The following NXPH4 variants were observed in gnomAD, a reference collection of about 807,000 sequenced individuals.
The protein encoded by NXPH4 is neurexophilin-4.
A neutral mutation model predicts 21.3 loss-of-function variants in NXPH4; 8 were observed. The observed-to-expected ratio is 0.38, with a 90% CI of 0.22 to 0.68. The LOEUF (loss-of-function observed/expected upper bound fraction) is 0.68. Ranked by LOEUF, NXPH4 falls within the 30% of genes least tolerant of loss-of-function variation. The pLI is 0.53. For missense variants in NXPH4, 418 were observed against 416.8 expected (o/e 1.00, Z -0.03); for synonymous variants, 219 against 192.6 (o/e 1.14, Z -1.13).
Position 57,224,929 on chromosome 12 carries a change from C to T in NXPH4, c.109C>T (p.Arg37Cys), listed in dbSNP as rs1002858079. 1 of 1,354,916 alleles carries T rather than the reference C, an allele frequency of 7.4e-7. No homozygotes were observed. 83.9% of individuals were successfully genotyped at this position (1,354,916 alleles called of 1,614,324 possible). Residue 37 changes from arginine to cysteine, a missense_variant, in exon 2 of 2, where the codon CGC becomes TGC. Transcript: ENST00000349394. Reference protein sequence around the residue: ...ESGRPQYLGLRPAAAGAGAPG... With the variant: ...ESGRPQYLGLCPAAAGAGAPG... ...CGGAAGGCCGCAGTACCTGGGGCTG[C>T]GCCCCGCCGCGGCCGGAGCGGGTGC...
At chr12:57,224,789 G>A in intron 1 of NXPH4, 89 bp from the exon 2 acceptor site, 2 of 491,416 alleles carry the variant, frequency 4.1e-6, no homozygotes, top group Admixed American at 3.3e-5. Flanking sequence ...TCTCCTAGCG[G>A]CTGTGGAAAG....
At chr12:57,218,664 G>C (rs1049907427) in intron 1 of NXPH4, among the ~76,000 whole-genome samples, 1 of 152,130 alleles carries the variant, frequency 6.6e-6, no homozygotes, top group East Asian at 1.9e-4. Flanking sequence ...ATCTATCTGA[G>C]TGTGTGTGTG....
chr12:57,220,833 C>T (rs1296077645), intron 1 of NXPH4, among the ~76,000 whole-genome samples: 2 of 152,124 alleles, frequency 1.3e-5, no homozygotes, highest in African/African-American at 4.8e-5. Flanking sequence ...TCTCTGCATC[C>T]ATCACTGTTT....
In NXPH4 at chr12:57,225,481, G is replaced by A. The variant is rs1382575002; in HGVS notation, c.661G>A (p.Gly221Arg). The A allele has an allele frequency of 6.2e-7, 1 of 1,603,396 alleles. No homozygotes were observed. The highest frequency in any genetic ancestry group is 1.7e-5 in the Admixed American group (1 of 58,856). Reference protein sequence around the residue: ...ALAGPLGGALGVPGAKESRAF... With the variant: ...ALAGPLGGALRVPGAKESRAF... ...GGCGGGGCCGCTTGGGGGCGCGTTG[G>A]GAGTGCCTGGGGCCAAAGAGTCACG... Residue 221 changes from glycine (G) to arginine (R), a missense_variant, in exon 2 of 2, where the codon GGA (glycine) becomes AGA (arginine). Transcript: ENST00000349394.
chr12:57,217,116 C>A, intron 1 of NXPH4, 90 bp downstream of exon 1: 1 of 1,193,682 alleles, frequency 8.4e-7, no homozygotes, highest in Admixed American at 2.1e-5. Context: ...GCGCCCGCCC[C>A]GCCCCCAGCT....
Position 57,217,630 on chromosome 12 carries a change from T to A in NXPH4, c.57+604T>A, listed in dbSNP as rs560721558. Among the ~76,000 whole-genome samples, 238 of 152,174 alleles carry A rather than the reference T, an allele frequency of 1.6e-3. 2 individuals carry two copies. The highest frequency in any genetic ancestry group is 5.2e-3 in the African/African-American group (216 of 41,506). On this transcript the variant is annotated intron_variant, in intron 1 of 1. Coordinates refer to ENST00000349394, the MANE Select transcript of NXPH4 (RefSeq NM_007224.4). Reference sequence around the variant, plus strand: ...GACACACCCCCCTCTCGTGCCCCACTGAAGGGGGAGGCTGTCTGGAAGGGG... The same window carrying A: ...GACACACCCCCCTCTCGTGCCCCACAGAAGGGGGAGGCTGTCTGGAAGGGG...
chr12:57,225,393 C>T lies in NXPH4; in HGVS notation c.573C>T (p.Pro191=). The change falls in exon 2 of 2, where the codon CCC becomes CCT. Residue 191 remains proline, a synonymous_variant. Coordinates refer to ENST00000349394, the MANE Select transcript of NXPH4 (RefSeq NM_007224.4). ...ALEGVLPGLG[P]PLGMAAAAAG... is the part of the protein sequence containing the mutation. Reference sequence around the variant, plus strand: ...AGGGGGTGCTTCCTGGGCTGGGGCCCCCGCTGGGGATGGCAGCAGCAGCGG... The same window carrying T: ...AGGGGGTGCTTCCTGGGCTGGGGCCTCCGCTGGGGATGGCAGCAGCAGCGG... The T allele has an allele frequency of 2.5e-6, 4 of 1,597,994 alleles. No individual in the cohort carries two copies. The South Asian group carries it at 3.3e-5, about 13-fold the overall frequency.
At chr12:57,220,821 G>A (rs1004873322) in intron 1 of NXPH4, among the ~76,000 whole-genome samples, 1 of 151,818 alleles carries the variant, frequency 6.6e-6, no homozygotes, top group Non-Finnish European at 1.5e-5. Flanking sequence ...CCATCTCCTG[G>A]GTCTCTGCAT....
At chr12:57,224,118 T>TTTTTC (rs1043330231) in intron 1 of NXPH4, among the ~76,000 whole-genome samples, 2 of 151,768 alleles carry the variant, frequency 1.3e-5, no homozygotes, top group African/African-American at 2.4e-5. Context: ...TTCCTTTCCT[T>TTTTTC]TTTTCTTTTC....
Position 57,219,686 on chromosome 12 carries a change from G to A in NXPH4, c.57+2660G>A, listed in dbSNP as rs934660800. 4.6e-5 allele frequency among the ~76,000 whole-genome samples: 7 copies of A among 151,528 alleles called. 1 individual carries two copies. Among genetic ancestry groups the A allele is most frequent in the Middle Eastern group, 3.4e-3 (1 of 294 alleles). On this transcript the variant is annotated intron_variant, in intron 1 of 1. Coordinates refer to ENST00000349394, the MANE Select transcript of NXPH4 (RefSeq NM_007224.4). ...TGGGCTAGGGCCCAGAGCTGCTGCC[G>A]GGGATTTGGGGGTAATCAGGGGCCG...
chr12:57,218,565 T>A (rs1479503001), intron 1 of NXPH4, among the ~76,000 whole-genome samples: 1 of 152,168 alleles, frequency 6.6e-6, no homozygotes, highest in Non-Finnish European at 1.5e-5. Context: ...TGTGGACAGA[T>A]CTGGTTTAAT....
intron 1 of NXPH4, among the ~76,000 whole-genome samples, chr12:57,220,270 C>A (rs1162682059): frequency 6.6e-6 from 1 of 152,118 alleles, no homozygotes; most frequent in Non-Finnish European, 1.5e-5. Context: ...TCCACCCCGC[C>A]CACTCCCCCT....
At chr12:57,220,410 G>A (rs7489208) in intron 1 of NXPH4, among the ~76,000 whole-genome samples, 115,862 of 152,280 alleles carry the variant, frequency 0.76, 47,534 homozygotes, top group Non-Finnish European at 0.91. Flanking sequence ...GGGGGGCGGG[G>A]GGGCAGTCGT....
chr12:57,217,279 G>A (rs1592672298), intron 1 of NXPH4, among the ~76,000 whole-genome samples: 1 of 152,342 alleles, frequency 6.6e-6, no homozygotes, highest in East Asian at 1.9e-4. Context: ...GGCGGGGGAG[G>A]GGACGAAGCC....
chr12:57,225,119 C>A lies in NXPH4; in HGVS notation c.299C>A (p.Ala100Glu). Residue 100 changes from alanine to glutamate, a missense_variant, in exon 2 of 2, where the codon GCG becomes GAG. Ala to Glu is a moderately radical substitution (Grantham distance 107, BLOSUM62 -1). Coordinates refer to ENST00000349394, the MANE Select transcript of NXPH4 (RefSeq NM_007224.4). Reference protein sequence around the residue: ...RTKRKPSIKAARAKKIFGWGD... With the variant: ...RTKRKPSIKAERAKKIFGWGD... The stretch of plus-strand genomic sequence containing the variant: ...AAGAGGAAGCCGTCCATCAAGGCGG[C>A]GCGCGCCAAAAAGATCTTCGGCTGG... 6.5e-7 allele frequency: 1 copy of A among 1,526,938 alleles called. No individual in the cohort carries two copies. Among genetic ancestry groups the A allele is most frequent in the Non-Finnish European group, 8.8e-7 (1 of 1,135,828 alleles). 94.6% of individuals were successfully genotyped at this position (1,526,938 alleles called of 1,614,324 possible).
At chr12:57,223,582 T>C (rs1291346903) in intron 1 of NXPH4, among the ~76,000 whole-genome samples, 1 of 152,204 alleles carries the variant, frequency 6.6e-6, no homozygotes, top group Non-Finnish European at 1.5e-5. Context: ...CACATGGTAC[T>C]GCCTCCCCCC....
At chr12:57,217,111 C>A in intron 1 of NXPH4, 85 bp downstream of exon 1, 2 of 1,210,724 alleles carry the variant, frequency 1.7e-6, no homozygotes, top group South Asian at 1.3e-5. Context: ...TCCGTGCGCC[C>A]GCCCCGCCCC....
At position 57,225,963 on chromosome 12, in the gene NXPH4, C is replaced by T; in HGVS notation, c.*216C>T. 1.4e-6 allele frequency: 2 copies of T among 1,421,732 alleles called. No homozygotes were observed. Among genetic ancestry groups the T allele is most frequent in the Non-Finnish European group, 1.8e-6 (2 of 1,089,102 alleles). The allele number at this position is 1,421,732 out of a possible 1,614,324, so 88.1% of individuals were successfully genotyped here. A position where few individuals can be genotyped will look rare whatever the true frequency, so the allele number is the denominator to read the frequency against. On this transcript the variant is annotated 3_prime_UTR_variant, in exon 2 of 2. Coordinates refer to ENST00000349394, the MANE Select transcript of NXPH4 (RefSeq NM_007224.4). ...CTGGGGTAGCCCCCTCCAGTACACC[C>T]CAAAGTGAAAGGGATAAGAGTGCAG...
intron 1 of NXPH4, among the ~76,000 whole-genome samples, chr12:57,222,784 A>G (rs945891688): frequency 1.3e-5 from 2 of 152,244 alleles, no homozygotes; most frequent in Non-Finnish European, 2.9e-5. Context: ...GTGGGAGTCA[A>G]TCATTCTTGC....
Sources: allele counts gnomAD v4.1 joint callset (sites outside exome capture counted in the v4.1 genomes callset), GRCh38; gene constraint gnomAD v4.1.1; transcripts MANE v1.5; gene names NCBI Gene and HGNC (gene_info 2026-07-23, HGNC 2026-07-21).